The following ZIM2 variants were observed in gnomAD, a reference collection of about 807,000 sequenced individuals.
ZIM2 encodes the protein zinc finger protein 656.
Under a neutral mutation model 38.6 loss-of-function variants are expected in ZIM2, and 14 were observed. The ratio of observed to expected loss-of-function variants is 0.36; its 90% CI spans 0.24 to 0.57. ZIM2 has a LOEUF of 0.57. Ranked by LOEUF, ZIM2 falls within the 20% of genes least tolerant of loss-of-function variation. The pLI is 0.81. For synonymous variants in ZIM2, 247 were observed against 245.8 expected, an observed-to-expected ratio of 1.00 and a Z score of -0.04; for missense variants, 680 against 695.1, an observed-to-expected ratio of 0.98 and a Z score of 0.24.
At chr19:56,809,043 T>C (rs1052982553) in intron 9 of ZIM2, among the ~76,000 whole-genome samples, 3 of 152,144 alleles carry the variant, frequency 2.0e-5, no homozygotes. Flanking sequence ...AACTGGGTTG[T>C]GGGGTGGAGG....
At chr19:56,807,385 G>C (rs1164156124) in intron 9 of ZIM2, among the ~76,000 whole-genome samples, 4 of 152,176 alleles carry the variant, frequency 2.6e-5, no homozygotes, top group Non-Finnish European at 5.9e-5. Context: ...GTTCCCATTT[G>C]TATCATGTTA....
At chr19:56,820,370 CT>C (rs576106556) in intron 7 of ZIM2, among the ~76,000 whole-genome samples, 114 of 152,344 alleles carry the variant, frequency 7.5e-4, no homozygotes, top group Middle Eastern at 6.8e-3. Flanking sequence ...AGCTTCCAGA[CT>C]TTTAATTATG....
intron 5 of ZIM2, among the ~76,000 whole-genome samples, chr19:56,823,239 A>G (rs576952918): frequency 6.6e-6 from 1 of 152,274 alleles, no homozygotes; most frequent in Admixed American, 6.5e-5. Flanking sequence ...AGAAAACAAC[A>G]CACACACCCT....
chr19:56,825,978 C>T lies in ZIM2; in HGVS notation c.-151+410G>A, dbSNP rs115985206. On this transcript the variant is annotated intron_variant, in intron 3 of 12. Coordinates refer to ENST00000629319, the MANE Select transcript of ZIM2 (RefSeq NM_001387356.1). ...TCCCTATGCAAACTGCCCTCCCACGCTCTCTCCTGCATATTATCATCCCAT... is the reference window on the plus strand; with the variant it reads ...TCCCTATGCAAACTGCCCTCCCACGTTCTCTCCTGCATATTATCATCCCAT... 4.5e-3 allele frequency among the ~76,000 whole-genome samples: 692 copies of T among 152,318 alleles called. 9 individuals carry two copies. Among genetic ancestry groups the T allele is most frequent in the African/African-American group, 0.016 (664 of 41,574 alleles).
chr19:56,782,387 C>T, intron 10 of ZIM2: 1 of 476,348 alleles, frequency 2.1e-6, no homozygotes, highest in Non-Finnish European at 4.0e-6. Flanking sequence ...TACTTAAAAG[C>T]TCAGCAGTAT....
intron 7 of ZIM2, among the ~76,000 whole-genome samples, chr19:56,820,663 A>G (rs2060401770): frequency 6.6e-6 from 1 of 152,150 alleles, no homozygotes; most frequent in South Asian, 2.1e-4. Context: ...TTTCCCTTCA[A>G]TCCAAATCAA....
intron 10 of ZIM2, chr19:56,782,399 C>T: frequency 2.1e-6 from 1 of 474,686 alleles, no homozygotes; most frequent in South Asian, 1.6e-5. Context: ...CAGCAGTATA[C>T]CTCAGCCTCA....
rs1284243076 is a variant in ZIM2, at chr19:56,815,572, A to G, written c.490+2174T>C. 2.5e-6 allele frequency: 4 copies of G among 1,613,994 alleles called. No homozygotes were observed. The highest frequency in any genetic ancestry group is 3.4e-6 in the Non-Finnish European group (4 of 1,179,974). On this transcript the variant is annotated intron_variant, in intron 9 of 12. Coordinates refer to ENST00000629319, the MANE Select transcript of ZIM2 (RefSeq NM_001387356.1). The stretch of plus-strand genomic sequence containing the variant: ...TCGAGGGCGAAATGTTTGTTCACCA[A>G]AAGGCAGAGAGTGAATTACAGAGGT...
intron 1 of ZIM2, among the ~76,000 whole-genome samples, chr19:56,839,502 A>G (rs1035286734): frequency 6.6e-6 from 1 of 151,126 alleles, no homozygotes; most frequent in Non-Finnish European, 1.5e-5. Flanking sequence ...CCAACCAACC[A>G]GGGGAGCACC....
chr19:56,792,034 T>C (rs532586891), intron 9 of ZIM2, among the ~76,000 whole-genome samples: 2 of 152,010 alleles, frequency 1.3e-5, no homozygotes, highest in East Asian at 3.9e-4. Context: ...GTTTTTTTTT[T>C]TTTTTTGTAG....
chr19:56,776,100 CA>C (rs56776253), intron 12 of ZIM2, among the ~76,000 whole-genome samples: 17,001 of 104,410 alleles, frequency 0.16, 465 homozygotes, highest in Admixed American at 0.19. Context: ...GACTCTGTCT[CA>C]AAAAAAAAAA....
chr19:56,834,156 C>G (rs74595585), intron 2 of ZIM2, among the ~76,000 whole-genome samples: 2,411 of 152,208 alleles, frequency 0.016, 70 homozygotes, highest in African/African-American at 0.055. Context: ...ATTGGCTCAT[C>G]TGATTTTTTT....
chr19:56,829,941 C>T (rs932155281), intron 2 of ZIM2, among the ~76,000 whole-genome samples: 2 of 152,218 alleles, frequency 1.3e-5, no homozygotes, highest in Non-Finnish European at 1.5e-5. Context: ...ACAGAAGATA[C>T]GTGTTTGCAG....
rs540348774 is a variant in ZIM2 at position 56,816,202 on chromosome 19, T to C, written c.490+1544A>G. ...GTTAGAGCTAATGGTGAACGCCTTT[T>C]CGTCCTCATCACTTTCAAGAGGTCT... On this transcript the variant is annotated intron_variant, in intron 9 of 12. Coordinates refer to ENST00000629319, the MANE Select transcript of ZIM2 (RefSeq NM_001387356.1). 34 of 1,614,244 alleles carry C rather than the reference T, an allele frequency of 2.1e-5. No homozygotes were observed. The South Asian group carries it at 3.5e-4, about 17-fold the overall frequency.
intron 9 of ZIM2, among the ~76,000 whole-genome samples, chr19:56,805,273 C>T (rs1233376274): frequency 6.6e-6 from 1 of 152,152 alleles, no homozygotes; most frequent in African/African-American, 2.4e-5. Flanking sequence ...ATCGTTCAAT[C>T]CCATTTGAGA....
intron 9 of ZIM2, chr19:56,813,384 C>CTACAGTATATT: frequency 8.4e-7 from 1 of 1,192,048 alleles, no homozygotes; most frequent in East Asian, 4.0e-5. Context: ...TTTGGGCAAA[C>CTACAGTATATT]TCTGTAGTCT....
chr19:56,813,795 G>T (rs1374923441), intron 9 of ZIM2: 1 of 1,614,060 alleles, frequency 6.2e-7, no homozygotes, highest in South Asian at 1.1e-5. Flanking sequence ...TGCTGGTGCT[G>T]GCACGTTCGA....
intron 9 of ZIM2, chr19:56,813,703 G>T (rs762092660): frequency 1.9e-6 from 3 of 1,613,810 alleles, no homozygotes; most frequent in Non-Finnish European, 2.5e-6. Flanking sequence ...CTGGTGTCTG[G>T]CGAGGGACAG....
At chr19:56,832,236 T>C (rs1453123064) in intron 2 of ZIM2, among the ~76,000 whole-genome samples, 1 of 152,224 alleles carries the variant, frequency 6.6e-6, no homozygotes, top group Non-Finnish European at 1.5e-5. Context: ...TTTTCCTTCC[T>C]GCCCAGCTTG....
Sources: allele counts gnomAD v4.1 joint callset (sites outside exome capture counted in the v4.1 genomes callset), GRCh38; gene constraint gnomAD v4.1.1; transcripts MANE v1.5; gene names NCBI Gene and HGNC (gene_info 2026-07-23, HGNC 2026-07-21).